The following ZNF385D variants were observed in gnomAD, a reference collection of about 807,000 sequenced individuals.
ZNF385D encodes the protein zinc finger protein 385D.
ZNF385D carries 15 observed loss-of-function variants against 35.8 expected under a neutral mutation model. That is an observed-to-expected ratio of 0.42 (90% confidence interval 0.28 to 0.64). The LOEUF is 0.64. ZNF385D is among the 30% of genes least tolerant of loss of function. The pLI is 0.23. For missense variants in ZNF385D, 474 were observed against 494.6 expected (o/e 0.96, Z 0.39); for synonymous variants, 212 against 186.8 (o/e 1.13, Z -1.10).
chr3:22,317,829 G>A (rs887085540), intron 2 of ZNF385D, among the ~76,000 whole-genome samples: 12 of 152,134 alleles, frequency 7.9e-5, no homozygotes, highest in South Asian at 2.1e-4. Flanking sequence ...AGGAGGCTAA[G>A]GCAGGCAGAT....
intron 2 of ZNF385D, among the ~76,000 whole-genome samples, chr3:22,204,251 T>C (rs1696999229): frequency 6.6e-6 from 1 of 152,074 alleles, no homozygotes; most frequent in Non-Finnish European, 1.5e-5. Context: ...ACCAAGACAG[T>C]ACCTCAACCA....
intron 4 of ZNF385D, among the ~76,000 whole-genome samples, chr3:21,510,616 A>G (rs570488282): frequency 5.5e-4 from 84 of 152,312 alleles, no homozygotes; most frequent in African/African-American, 1.9e-3. Context: ...AATGCCTTTT[A>G]TGACTATTCC....
intron 2 of ZNF385D, among the ~76,000 whole-genome samples, chr3:22,307,526 A>G (rs992331861): frequency 1.3e-5 from 2 of 152,156 alleles, no homozygotes; most frequent in Non-Finnish European, 2.9e-5. Flanking sequence ...GTGTGTGTGC[A>G]CACGTACACA....
At chr3:21,927,117 C>A (rs752099612) in intron 3 of ZNF385D, among the ~76,000 whole-genome samples, 1 of 151,906 alleles carries the variant, frequency 6.6e-6, no homozygotes, top group Admixed American at 6.6e-5. Flanking sequence ...AATCTGACAC[C>A]TCCCTCCCCT....
chr3:22,085,705 G>A (rs2620550), intron 3 of ZNF385D, among the ~76,000 whole-genome samples: 20,026 of 151,956 alleles, frequency 0.13, 1,569 homozygotes, highest in Middle Eastern at 0.24. Context: ...CTCATTTTAT[G>A]AGGCCAGAAT....
chr3:22,335,642 G>A (rs1007990531), intron 2 of ZNF385D, among the ~76,000 whole-genome samples: 1 of 152,076 alleles, frequency 6.6e-6, no homozygotes, highest in Non-Finnish European at 1.5e-5. Flanking sequence ...TCAACTACAG[G>A]TGTGTTCCTG....
intron 3 of ZNF385D, among the ~76,000 whole-genome samples, chr3:22,057,845 G>C (rs1433163105): frequency 6.6e-6 from 1 of 152,008 alleles, no homozygotes; most frequent in East Asian, 1.9e-4. Flanking sequence ...TACTTTTCCT[G>C]ACCTCCATAC....
chr3:22,071,998 T>C (rs1315442740), intron 3 of ZNF385D, among the ~76,000 whole-genome samples: 1 of 152,104 alleles, frequency 6.6e-6, no homozygotes, highest in African/African-American at 2.4e-5. Flanking sequence ...GAAAAAAAGA[T>C]ACATAATTCT....
intron 2 of ZNF385D, among the ~76,000 whole-genome samples, chr3:22,268,689 T>C (rs751589213): frequency 3.9e-5 from 6 of 152,080 alleles, no homozygotes; most frequent in Non-Finnish European, 8.8e-5. Context: ...TTTAAGCAGA[T>C]ATAACTTAAT....
intron 4 of ZNF385D, among the ~76,000 whole-genome samples, chr3:21,472,529 GTCC>G (rs1703969531): frequency 6.6e-6 from 1 of 152,064 alleles, no homozygotes; most frequent in African/African-American, 2.4e-5. Context: ...CCATCAAAAA[GTCC>G]TCTTGTTTCT....
intron 2 of ZNF385D, among the ~76,000 whole-genome samples, chr3:22,243,364 T>A (rs1224803219): frequency 3.3e-5 from 5 of 150,968 alleles, no homozygotes; most frequent in African/African-American, 4.9e-5. Context: ...TCAAAAAGAA[T>A]TTTTGAAATA....
rs376843768 is a variant in ZNF385D at position 21,434,225 on chromosome 3, A to G, written c.673+2745T>C. Among the ~76,000 whole-genome samples, 43 of 152,214 alleles carry G rather than the reference A, an allele frequency of 2.8e-4. 1 individual carries two copies. In the South Asian group the frequency reaches 4.1e-3, roughly 15 times the overall value. The stretch of plus-strand genomic sequence containing the variant: ...AACTTGGTAGTTGGCTAAATCATGC[A>G]TTCCGTTTGGGCTGCCTTCCTTTCC... On this transcript the variant is annotated intron_variant, in intron 5 of 7. Transcript: ENST00000281523.
intron 1 of ZNF385D, among the ~76,000 whole-genome samples, chr3:21,701,625 C>A (rs1353196807): frequency 2.0e-5 from 3 of 152,104 alleles, no homozygotes; most frequent in Non-Finnish European, 4.4e-5. Context: ...AAGTCCACAG[C>A]CAAAGTCTCA....
chr3:22,221,300 G>A (rs905747683), intron 2 of ZNF385D, among the ~76,000 whole-genome samples: 3 of 151,960 alleles, frequency 2.0e-5, no homozygotes, highest in South Asian at 2.1e-4. Context: ...CTTTTCTTAT[G>A]TAAGAAAACT....
intron 2 of ZNF385D, among the ~76,000 whole-genome samples, chr3:22,206,639 C>T (rs1697175461): frequency 6.6e-6 from 1 of 151,578 alleles, no homozygotes; most frequent in Non-Finnish European, 1.5e-5. Context: ...GAGAACTATA[C>T]AAATGAGTGA....
intron 3 of ZNF385D, among the ~76,000 whole-genome samples, chr3:22,013,714 A>T (rs77392422): frequency 0.018 from 2,667 of 152,190 alleles, 61 homozygotes; most frequent in East Asian, 0.073. Context: ...TGAGTCCCCT[A>T]AGAGACTGAC....
intron 2 of ZNF385D, among the ~76,000 whole-genome samples, chr3:22,318,089 T>C (rs1575108646): frequency 6.6e-6 from 1 of 150,894 alleles, no homozygotes; most frequent in Non-Finnish European, 1.5e-5. Flanking sequence ...TGAATTAGAG[T>C]GCCAGTACAT....
chr3:22,084,313 G>C (rs1700915315), intron 3 of ZNF385D, among the ~76,000 whole-genome samples: 2 of 152,172 alleles, frequency 1.3e-5, no homozygotes, highest in South Asian at 4.1e-4. Flanking sequence ...AGACTCATCA[G>C]TGTACTGTAT....
At chr3:22,205,611 T>G (rs1203692685) in intron 2 of ZNF385D, among the ~76,000 whole-genome samples, 1 of 151,942 alleles carries the variant, frequency 6.6e-6, no homozygotes, top group African/African-American at 2.4e-5. Flanking sequence ...GGAATGAAGC[T>G]AAAATGTGGA....
Sources: gnomAD v4.1 joint callset for allele counts (sites outside exome capture counted in the v4.1 genomes callset) on GRCh38, gnomAD v4.1.1 for gene constraint, MANE v1.5 for transcripts, NCBI Gene and HGNC (gene_info 2026-07-23, HGNC 2026-07-21) for gene names.